The following MSRA variants were observed in gnomAD, a reference collection of about 807,000 sequenced individuals.
MSRA encodes mitochondrial peptide methionine sulfoxide reductase.
A neutral mutation model predicts 31.3 loss-of-function variants in MSRA; 54 were observed. The ratio of observed to expected loss-of-function variants is 1.73; its 90% confidence interval spans 1.39 to 2.17. The LOEUF (loss-of-function observed/expected upper bound fraction) is 2.17. Ranked by LOEUF, MSRA falls within the 30% of genes most tolerant of loss-of-function variation. The pLI is 0.00. For synonymous variants in MSRA, 169 were observed against 116.5 expected, an observed-to-expected ratio of 1.45 and a Z score of -2.90; for missense variants, 507 against 300.9, an observed-to-expected ratio of 1.69 and a Z score of -5.07.
chr8:10,400,200 G>T (rs372769000), intron 5 of MSRA, among the ~76,000 whole-genome samples: 3 of 152,096 alleles, frequency 2.0e-5, no homozygotes, highest in African/African-American at 7.2e-5. Flanking sequence ...AATTGTGGAG[G>T]CCAGGCTGGA....
chr8:10,087,704 TG>T (rs1349672938), intron 1 of MSRA, among the ~76,000 whole-genome samples: 1 of 152,230 alleles, frequency 6.6e-6, no homozygotes, highest in East Asian at 1.9e-4. Context: ...TAGCTCACAT[TG>T]TAAATATTCT....
chr8:10,168,294 G>A (rs1805315875), intron 1 of MSRA, among the ~76,000 whole-genome samples: 1 of 152,052 alleles, frequency 6.6e-6, no homozygotes. Context: ...TTTATATGTG[G>A]AATTCCCAGT....
intron 1 of MSRA, among the ~76,000 whole-genome samples, chr8:10,121,957 A>G (rs763068584): frequency 2.6e-5 from 4 of 151,970 alleles, no homozygotes; most frequent in Admixed American, 1.3e-4. Flanking sequence ...CTGGGGTTAC[A>G]GGCATGAGCC....
intron 4 of MSRA, among the ~76,000 whole-genome samples, chr8:10,310,650 C>T (rs1358642007): frequency 6.6e-6 from 1 of 152,166 alleles, no homozygotes; most frequent in African/African-American, 2.4e-5. Flanking sequence ...AACCTTAGAC[C>T]CATTTTGTAG....
intron 1 of MSRA, among the ~76,000 whole-genome samples, chr8:10,134,541 G>C (rs375399637): frequency 1.3e-5 from 2 of 152,334 alleles, no homozygotes; most frequent in East Asian, 3.9e-4. Flanking sequence ...ATGTGCTCCT[G>C]CTGCAGGACC....
intron 5 of MSRA, among the ~76,000 whole-genome samples, chr8:10,392,018 G>A (rs1470206142): frequency 6.6e-6 from 1 of 152,186 alleles, no homozygotes; most frequent in Non-Finnish European, 1.5e-5. Flanking sequence ...AGAAGTCACT[G>A]TCTGACCACC....
chr8:10,242,330 G>A (rs1318774299), intron 2 of MSRA, among the ~76,000 whole-genome samples: 1 of 151,980 alleles, frequency 6.6e-6, no homozygotes, highest in African/African-American at 2.4e-5. Flanking sequence ...AGACTATAAT[G>A]TCAGGGGTGG....
chr8:10,172,097 G>C (rs1805639948), intron 1 of MSRA, among the ~76,000 whole-genome samples: 1 of 152,226 alleles, frequency 6.6e-6, no homozygotes, highest in Admixed American at 6.5e-5. Context: ...CTCCATTGTA[G>C]CCGGGGTCAG....
At chr8:10,334,891 C>T (rs866559913) in intron 5 of MSRA, among the ~76,000 whole-genome samples, 11 of 152,368 alleles carry the variant, frequency 7.2e-5, no homozygotes, top group African/African-American at 2.6e-4. Flanking sequence ...GCCCCGCTGC[C>T]TCGGCCCACG....
intron 2 of MSRA, among the ~76,000 whole-genome samples, chr8:10,225,877 A>G (rs1810956480): frequency 6.6e-6 from 1 of 152,176 alleles, no homozygotes; most frequent in Admixed American, 6.5e-5. Context: ...AAGGGAGGAA[A>G]ATGGTTGGGA....
chr8:10,416,481 G>A (rs1808467309), intron 5 of MSRA, among the ~76,000 whole-genome samples: 1 of 152,236 alleles, frequency 6.6e-6, no homozygotes, highest in Non-Finnish European at 1.5e-5. Flanking sequence ...GGCCCAGGGT[G>A]TTGGAGCCAT....
intron 5 of MSRA, among the ~76,000 whole-genome samples, chr8:10,367,279 A>T (rs1805221650): frequency 6.6e-6 from 1 of 152,200 alleles, no homozygotes; most frequent in South Asian, 2.1e-4. Context: ...AGAAAGAGAG[A>T]CCACAGTCAC....
intron 1 of MSRA, among the ~76,000 whole-genome samples, chr8:10,112,360 A>C (rs745904396): frequency 9.9e-5 from 15 of 152,232 alleles, no homozygotes; most frequent in Non-Finnish European, 1.9e-4. Flanking sequence ...CTGTTGGTAA[A>C]TGAGATATAG....
At chr8:10,122,801 C>G (rs1263041842) in intron 1 of MSRA, among the ~76,000 whole-genome samples, 1 of 152,070 alleles carries the variant, frequency 6.6e-6, no homozygotes. Context: ...GTTTCCTGTT[C>G]CTGTGTTAGT....
intron 5 of MSRA, chr8:10,337,693 C>T (rs1341036719): frequency 1.4e-6 from 1 of 702,464 alleles, no homozygotes; most frequent in Admixed American, 2.0e-5. Context: ...ACCTTATACT[C>T]CTCCTCTCTC....
At chr8:10,325,099 C>T (rs1393987999) in intron 5 of MSRA, among the ~76,000 whole-genome samples, 1 of 152,152 alleles carries the variant, frequency 6.6e-6, no homozygotes, top group Non-Finnish European at 1.5e-5. Context: ...TAAAGTGATG[C>T]ATTAGTGTCC....
chr8:10,163,721 A>G (rs1804872480), intron 1 of MSRA, among the ~76,000 whole-genome samples: 1 of 152,250 alleles, frequency 6.6e-6, no homozygotes, highest in Non-Finnish European at 1.5e-5. Flanking sequence ...GAGTGAAGGA[A>G]GGATAACATG....
At chr8:10,095,717 T>C (rs2128929571) in intron 1 of MSRA, 1 of 1,067,550 alleles carries the variant, frequency 9.4e-7, no homozygotes, top group Non-Finnish European at 1.1e-6. Context: ...CTCAGAACTT[T>C]TTGGTTTTCA....
intron 5 of MSRA, among the ~76,000 whole-genome samples, chr8:10,395,258 C>G (rs1259748599): frequency 2.0e-5 from 3 of 152,008 alleles, no homozygotes; most frequent in East Asian, 3.9e-4. Context: ...TGTGTGCATA[C>G]GTGCACACAC....
Sources: gnomAD v4.1 joint callset for allele counts (sites outside exome capture counted in the v4.1 genomes callset) on GRCh38, gnomAD v4.1.1 for gene constraint, MANE v1.5 for transcripts, NCBI Gene and HGNC (gene_info 2026-07-23, HGNC 2026-07-21) for gene names.